Variants in LACTB2 observed in about 807,000 individuals in gnomAD.
LACTB2 encodes the protein endoribonuclease LACTB2.
In LACTB2, 32 loss-of-function variants were observed where a neutral mutation model predicts 34.8. The observed-to-expected ratio is 0.92, with a 90% CI of 0.69 to 1.24. The LOEUF (loss-of-function observed/expected upper bound fraction) is 1.24, where lower values mean the gene tolerates loss of function less well. Ranked by LOEUF, LACTB2 falls within the 50% of genes most tolerant of loss-of-function variation. LACTB2 has a pLI of 0.00. For synonymous variants in LACTB2, 120 were observed against 117.5 expected, an observed-to-expected ratio of 1.02 and a Z score of -0.14; for missense variants, 320 against 345.0, an observed-to-expected ratio of 0.93 and a Z score of 0.57.
intron 3 of LACTB2, among the ~76,000 whole-genome samples, chr8:70,647,204 T>C (rs1818273827): frequency 6.6e-6 from 1 of 152,060 alleles, no homozygotes; most frequent in Non-Finnish European, 1.5e-5. Context: ...CTAGTCAGTA[T>C]TGAGTTTTTA....
In LACTB2 at chr8:70,669,085, G is replaced by A; in HGVS notation, c.36C>T (p.Ser12=). Reference sequence around the variant, plus strand: ...AGCCCAACACACGCACGACTCGATTGGACAGCCGCTCGACGCGCTGCAGTA... The same window carrying A: ...AGCCCAACACACGCACGACTCGATTAGACAGCCGCTCGACGCGCTGCAGTA... ...AAVLQRVERL[S]NRVVRVLGCN... The change falls in exon 1 of 7, where the codon TCC becomes TCT. Residue 12 remains serine, a synonymous_variant. Coordinates refer to ENST00000276590, the MANE Select transcript of LACTB2 (RefSeq NM_016027.3). 1 of 1,612,664 alleles carries A rather than the reference G, an allele frequency of 6.2e-7. No homozygotes were observed. The highest frequency in any genetic ancestry group is 8.5e-7 in the Non-Finnish European group (1 of 1,179,540).
intron 3 of LACTB2, among the ~76,000 whole-genome samples, chr8:70,657,419 A>G (rs1209511632): frequency 6.7e-6 from 1 of 149,832 alleles, no homozygotes; most frequent in Non-Finnish European, 1.5e-5. Flanking sequence ...ACATATGCAC[A>G]GATCTTCTAT....
intron 3 of LACTB2, among the ~76,000 whole-genome samples, chr8:70,647,257 T>C (rs187742385): frequency 6.9e-5 from 10 of 145,014 alleles, no homozygotes; most frequent in African/African-American, 2.2e-4. Context: ...ATATATATAA[T>C]TTTTTTTTTT....
At chr8:70,646,154 C>G (rs1210723793) in intron 3 of LACTB2, 2 of 152,180 alleles carry the variant, frequency 1.3e-5, no homozygotes, top group Non-Finnish European at 2.9e-5. Flanking sequence ...TCTCCAGCAC[C>G]TGTTGTTTCC....
At chr8:70,642,627 G>A (rs1322887700) in intron 4 of LACTB2, among the ~76,000 whole-genome samples, 1 of 151,606 alleles carries the variant, frequency 6.6e-6, no homozygotes, top group Non-Finnish European at 1.5e-5. Flanking sequence ...GGGATTACAG[G>A]TGCCCACCAA....
At chr8:70,641,906 A>G (rs1818203174) in intron 4 of LACTB2, among the ~76,000 whole-genome samples, 2 of 152,340 alleles carry the variant, frequency 1.3e-5, no homozygotes, top group Admixed American at 1.3e-4. Flanking sequence ...TGTGTGGCTA[A>G]TAAATGAGGA....
At chr8:70,646,225 C>T (rs926257416) in intron 3 of LACTB2, 13 of 152,194 alleles carry the variant, frequency 8.5e-5, no homozygotes, top group Non-Finnish European at 1.8e-4. Flanking sequence ...TGGTTAAGAG[C>T]TTCTGCACAG....
At chr8:70,660,938 C>A (rs1302508701) in intron 2 of LACTB2, 1 of 455,878 alleles carries the variant, frequency 2.2e-6, no homozygotes, top group Admixed American at 2.4e-5. Flanking sequence ...CCACCATACC[C>A]GGGAAATTTT....
At position 70,641,003 on chromosome 8, in the gene LACTB2, T is replaced by C. The variant is rs372116166; in HGVS notation, c.640A>G (p.Ile214Val). The change falls in exon 5 of 7, where the codon ATT becomes GTT. Residue 214 changes from isoleucine to valine, a missense_variant. Transcript: ENST00000276590. ...HNAEAKIQQY[I>V]SHRNIREQQI... ...TGCTCTCGAATATTTCTGTGAGAAATGTATTGTTGAATTTTAGCTTCAGCA... is the reference window on the plus strand; with the variant it reads ...TGCTCTCGAATATTTCTGTGAGAAACGTATTGTTGAATTTTAGCTTCAGCA... 9 of 1,606,616 alleles carry C rather than the reference T, an allele frequency of 5.6e-6. No homozygotes were observed. Among genetic ancestry groups the C allele is most frequent in the Middle Eastern group, 1.7e-4 (1 of 6,034 alleles).
rs142707200 is a variant in LACTB2, at chr8:70,647,005, T to C, written c.414-2762A>G. 8.4e-4 allele frequency among the ~76,000 whole-genome samples: 128 copies of C among 152,326 alleles called. 1 individual carries two copies. The East Asian group carries it at 0.024, about 28-fold the overall frequency. Reference sequence around the variant, plus strand: ...AATTTTAGTAATAGATTGCTTTCCATGTACCAGGCAGTGTCTTCAGGGATT... The same window carrying C: ...AATTTTAGTAATAGATTGCTTTCCACGTACCAGGCAGTGTCTTCAGGGATT... On this transcript the variant is annotated intron_variant, in intron 3 of 6. Coordinates refer to ENST00000276590, the MANE Select transcript of LACTB2 (RefSeq NM_016027.3).
chr8:70,657,428 ATTTTTTTTTTT>A (rs777806428), intron 3 of LACTB2, among the ~76,000 whole-genome samples: 1 of 115,822 alleles, frequency 8.6e-6, no homozygotes, highest in Non-Finnish European at 1.8e-5. Flanking sequence ...CAGATCTTCT[ATTTTTTTTTTT>A]TTTTTTTTTT....
chr8:70,640,838 G>C, intron 5 of LACTB2, 64 bp downstream of exon 5: 1 of 1,405,214 alleles, frequency 7.1e-7, no homozygotes, highest in African/African-American at 1.5e-5. Context: ...CATTTCTATA[G>C]TCTACTAAAT....
Position 70,644,069 on chromosome 8 carries a change from A to G in LACTB2, c.588T>C (p.Tyr196=). Residue 196 remains tyrosine (Y), a synonymous_variant, in exon 4 of 7, where the codon TAT becomes TAC. Transcript: ENST00000276590. ...ELLKIKADII[Y]PGHGPVIHNA... ...AAAAATTTAAAAATTACCCACCTGG[A>G]TATATAATATCAGCTTTGATTTTCA... is the stretch of plus-strand genomic sequence containing the variant. 1 of 1,558,672 alleles carries G rather than the reference A, an allele frequency of 6.4e-7. No individual in the cohort carries two copies. The highest frequency in any genetic ancestry group is 8.6e-7 in the Non-Finnish European group (1 of 1,156,214).
At chr8:70,662,052 T>A in intron 1 of LACTB2, 155 bp from the exon 2 acceptor site, 1 of 574,590 alleles carries the variant, frequency 1.7e-6, no homozygotes, top group Non-Finnish European at 2.9e-6. Flanking sequence ...TTAACTACAG[T>A]AATCTCACCC....
chr8:70,643,218 T>A lies in LACTB2; in HGVS notation c.592+847A>T, dbSNP rs1451310006. Among the ~76,000 whole-genome samples, 143 of 94,284 alleles carry A rather than the reference T, an allele frequency of 1.5e-3. 1 individual carries two copies. The highest frequency in any genetic ancestry group is 6.5e-3 in the African/African-American group (123 of 18,794). 61.9% of individuals were successfully genotyped at this position (94,284 alleles called of 152,430 possible). On this transcript the variant is annotated intron_variant, in intron 4 of 6. Transcript: ENST00000276590. Reference sequence around the variant, plus strand: ...TAGGGGTGTATTTTCCTTTTTTTTTTTTTTTTTTTTTTTTTTTTTTTTTGA... The same window carrying A: ...TAGGGGTGTATTTTCCTTTTTTTTTATTTTTTTTTTTTTTTTTTTTTTTGA...
At chr8:70,656,740 G>A (rs1818416381) in intron 3 of LACTB2, among the ~76,000 whole-genome samples, 2 of 152,108 alleles carry the variant, frequency 1.3e-5, no homozygotes, top group South Asian at 2.1e-4. Flanking sequence ...TTTTGATGGG[G>A]ATTGTGTTGA....
chr8:70,663,083 C>CT (rs1238852383), intron 1 of LACTB2: 2 of 152,182 alleles, frequency 1.3e-5, no homozygotes, highest in African/African-American at 4.8e-5. Context: ...GATGAAAAGT[C>CT]TGAGTTATTC....
intron 1 of LACTB2, among the ~76,000 whole-genome samples, chr8:70,668,748 G>GTTTTTTTTTGTTT (rs1818573164): frequency 2.9e-5 from 3 of 103,722 alleles, no homozygotes; most frequent in African/African-American, 1.3e-4. Context: ...CAAAACAGAA[G>GTTTTTTTTTGTTT]TTTTTTTTTT....
At chr8:70,641,226 A>G (rs1161420754) in intron 4 of LACTB2, among the ~76,000 whole-genome samples, 176 bp from the exon 5 acceptor site, 1 of 152,238 alleles carries the variant, frequency 6.6e-6, no homozygotes, top group Non-Finnish European at 1.5e-5. Context: ...AAAATTATAT[A>G]CAATACCCCC....
Sources: allele counts gnomAD v4.1 joint callset (sites outside exome capture counted in the v4.1 genomes callset), GRCh38; gene constraint gnomAD v4.1.1; transcripts MANE v1.5; gene names NCBI Gene and HGNC (gene_info 2026-07-23, HGNC 2026-07-21).